The following TENM2 variants were observed in gnomAD, a reference collection of about 807,000 sequenced individuals.
TENM2 encodes the protein teneurin-2.
In TENM2, 52 loss-of-function variants were observed where a neutral mutation model predicts 245.2. The ratio of observed to expected loss-of-function variants is 0.21; its 90% CI spans 0.17 to 0.27. TENM2 has a LOEUF of 0.27. Among genes scored for constraint, TENM2 ranks in the 10% least tolerant of loss-of-function variants. The pLI, the probability that TENM2 is intolerant of heterozygous loss-of-function variation, is 1.00. For synonymous variants in TENM2, 1,363 were observed against 1,438.9 expected (o/e 0.95, Z 1.19); for missense variants, 3,046 against 3,666.8 (o/e 0.83, Z 4.37).
At chr5:167,412,956 G>A (rs768284768) in intron 2 of TENM2, among the ~76,000 whole-genome samples, 26 of 151,806 alleles carry the variant, frequency 1.7e-4, no homozygotes, top group Non-Finnish European at 2.9e-4. Context: ...GAGAGCATGA[G>A]TATTTGAGCC....
intron 2 of TENM2, among the ~76,000 whole-genome samples, chr5:167,784,438 G>A (rs1233528793): frequency 1.3e-5 from 2 of 152,148 alleles, no homozygotes; most frequent in Non-Finnish European, 2.9e-5. Flanking sequence ...TTTAAAGCAG[G>A]AATAATGGTT....
intron 2 of TENM2, among the ~76,000 whole-genome samples, chr5:167,452,439 G>A (rs1305854600): frequency 6.6e-6 from 1 of 152,180 alleles, no homozygotes; most frequent in East Asian, 1.9e-4. Flanking sequence ...AAGTCCAGAG[G>A]AAAGATGTGG....
intron 2 of TENM2, among the ~76,000 whole-genome samples, chr5:167,625,445 C>T (rs1778440974): frequency 6.6e-6 from 1 of 152,072 alleles, no homozygotes; most frequent in African/African-American, 2.4e-5. Context: ...TAAACCATTA[C>T]TTATCAAGAT....
At chr5:167,472,979 C>T (rs1455272164) in intron 2 of TENM2, among the ~76,000 whole-genome samples, 1 of 151,890 alleles carries the variant, frequency 6.6e-6, no homozygotes, top group Non-Finnish European at 1.5e-5. Context: ...GGACAATAAA[C>T]AAATTGGGGT....
chr5:167,065,123 C>T, the TENM2 span, among the ~76,000 whole-genome samples: 49 of 152,000 alleles, frequency 3.2e-4, no homozygotes, highest in Middle Eastern at 3.4e-3. Context: ...CTACTGGCAC[C>T]GTATACAATG....
At chr5:167,746,710 A>AGAGAGAGAGCGAGAGAGAGAGC (rs761614775) in intron 2 of TENM2, among the ~76,000 whole-genome samples, 3 of 144,860 alleles carry the variant, frequency 2.1e-5, no homozygotes, top group Admixed American at 2.1e-4. Context: ...AGAGAGAGAG[A>AGAGAGAGAGCGAGAGAGAGAGC]GAGAGCTGGA....
chr5:167,285,015 C>G (rs1489682775), exon 1 of TENM2: 2 of 1,552,120 alleles, frequency 1.3e-6, no homozygotes, highest in Non-Finnish European at 1.7e-6. Flanking sequence ...CTATGGAAAC[C>G]GAGTCACAGA....
intron 2 of TENM2, among the ~76,000 whole-genome samples, chr5:167,729,524 G>A (rs554343361): frequency 6.6e-6 from 1 of 152,232 alleles, no homozygotes; most frequent in African/African-American, 2.4e-5. Context: ...AAGCATGCTG[G>A]CTGTTTAAAG....
chr5:167,416,344 A>G (rs1261676857), intron 2 of TENM2, among the ~76,000 whole-genome samples: 2 of 152,206 alleles, frequency 1.3e-5, no homozygotes, highest in Non-Finnish European at 2.9e-5. Context: ...TTCCCTTGTT[A>G]TGGAACACTG....
intron 5 of TENM2, among the ~76,000 whole-genome samples, chr5:168,032,756 T>C (rs917807945): frequency 2.0e-5 from 3 of 152,188 alleles, no homozygotes; most frequent in African/African-American, 7.2e-5. Context: ...CAGCCTTTCC[T>C]CAGCCGCTGG....
chr5:167,755,147 C>T (rs371751029), intron 2 of TENM2: 3 of 1,599,020 alleles, frequency 1.9e-6, no homozygotes, highest in Admixed American at 1.7e-5. Flanking sequence ...TACCTCACCT[C>T]AGTCTGTGAG....
At chr5:167,877,048 T>TAA (rs1773484602) in intron 3 of TENM2, among the ~76,000 whole-genome samples, 1 of 152,152 alleles carries the variant, frequency 6.6e-6, no homozygotes, top group Non-Finnish European at 1.5e-5. Flanking sequence ...AACTAGAGTA[T>TAA]AAGTGTCCAT....
At chr5:168,105,945 C>T (rs1483123995) in intron 9 of TENM2, among the ~76,000 whole-genome samples, 2 of 152,084 alleles carry the variant, frequency 1.3e-5, no homozygotes, top group Non-Finnish European at 2.9e-5. Context: ...GGTGCTTCCT[C>T]GGATTGTTTG....
At chr5:168,066,980 T>G (rs1790562325) in intron 7 of TENM2, among the ~76,000 whole-genome samples, 1 of 152,232 alleles carries the variant, frequency 6.6e-6, no homozygotes, top group Non-Finnish European at 1.5e-5. Flanking sequence ...AGTTCATCAC[T>G]GATTGCTACT....
chr5:167,879,120 C>T (rs1773671555), intron 3 of TENM2, among the ~76,000 whole-genome samples: 1 of 152,176 alleles, frequency 6.6e-6, no homozygotes, highest in Non-Finnish European at 1.5e-5. Flanking sequence ...ACATAAACTA[C>T]AGGAACGAAA....
At chr5:167,136,085 A>G in the TENM2 span, among the ~76,000 whole-genome samples, 1 of 152,242 alleles carries the variant, frequency 6.6e-6, no homozygotes, top group Non-Finnish European at 1.5e-5. Flanking sequence ...TCATTTTTAA[A>G]TTGATTACAT....
chr5:166,984,833 A>C, the TENM2 span, among the ~76,000 whole-genome samples: 185 of 152,272 alleles, frequency 1.2e-3, 2 homozygotes, highest in East Asian at 0.021. Flanking sequence ...TTCATATGTA[A>C]GAGTATATAG....
chr5:167,054,498 T>C, the TENM2 span, among the ~76,000 whole-genome samples: 1 of 152,190 alleles, frequency 6.6e-6, no homozygotes. Context: ...AACATCTGTG[T>C]GCAGATTTTT....
chr5:167,538,721 C>T (rs1278622824), intron 2 of TENM2, among the ~76,000 whole-genome samples: 3 of 152,170 alleles, frequency 2.0e-5, no homozygotes, highest in African/African-American at 7.2e-5. Flanking sequence ...CATAGATGAC[C>T]TTCTCCTCTC....
Sources: allele counts gnomAD v4.1 joint callset (sites outside exome capture counted in the v4.1 genomes callset), GRCh38; gene constraint gnomAD v4.1.1; transcripts MANE v1.5; gene names NCBI Gene and HGNC (gene_info 2026-07-23, HGNC 2026-07-21).